The following MYO18B variants were observed in gnomAD, a reference collection of about 807,000 sequenced individuals.
MYO18B encodes myosin XVIIIB, also known as unconventional myosin-XVIIIb.
Under a neutral mutation model 273.0 loss-of-function variants are expected in MYO18B, and 204 were observed. The observed-to-expected ratio is 0.75, with a 90% CI of 0.67 to 0.84. MYO18B has a LOEUF of 0.84. Ranked by LOEUF, MYO18B falls within the 40% of genes least tolerant of loss-of-function variation. The pLI is 0.00. For missense variants in MYO18B, 3,212 were observed against 3,287.6 expected, an observed-to-expected ratio of 0.98 and a Z score of 0.56; for synonymous variants, 1,330 against 1,305.7, an observed-to-expected ratio of 1.02 and a Z score of -0.40.
chr22:25,902,861 C>T, intron 30 of MYO18B, 125 bp downstream of exon 30: 1 of 1,059,126 alleles, frequency 9.4e-7, no homozygotes, highest in Non-Finnish European at 1.3e-6. Flanking sequence ...GTCTGTCAAG[C>T]AGCTGAATCC....
chr22:25,874,923 G>T (rs184907549), intron 23 of MYO18B, among the ~76,000 whole-genome samples: 9 of 152,314 alleles, frequency 5.9e-5, no homozygotes, highest in African/African-American at 2.2e-4. Context: ...CTGGGTGAAG[G>T]TGAGATGAAA....
chr22:25,880,702 G>A (rs554013104), intron 25 of MYO18B, among the ~76,000 whole-genome samples: 5 of 152,336 alleles, frequency 3.3e-5, no homozygotes, highest in Admixed American at 2.6e-4. Context: ...CTTACACAAG[G>A]TCTCCAGGCC....
chr22:25,803,078 C>T (rs1403955435), intron 12 of MYO18B, among the ~76,000 whole-genome samples: 1 of 151,864 alleles, frequency 6.6e-6, no homozygotes, highest in African/African-American at 2.4e-5. Context: ...TCTCCTGCCT[C>T]AGCCTCCCGA....
At chr22:25,748,161 C>G (rs956016265) in intron 1 of MYO18B, among the ~76,000 whole-genome samples, 5 of 152,178 alleles carry the variant, frequency 3.3e-5, no homozygotes. Context: ...GGGCGGATTC[C>G]ATCATTTCAG....
chr22:25,769,520 G>A, intron 4 of MYO18B, 92 bp downstream of exon 4: 2 of 1,206,334 alleles, frequency 1.7e-6, no homozygotes, highest in African/African-American at 1.5e-5. Context: ...GGATGGACAA[G>A]GGGTGGACGG....
intron 31 of MYO18B, among the ~76,000 whole-genome samples, chr22:25,906,639 C>T (rs2092050084): frequency 6.6e-6 from 1 of 152,156 alleles, no homozygotes; most frequent in Non-Finnish European, 1.5e-5. Context: ...TGTTTTCACA[C>T]TGCTGTGAAG....
chr22:25,821,195 T>C (rs1020481854), intron 12 of MYO18B, among the ~76,000 whole-genome samples: 4 of 152,216 alleles, frequency 2.6e-5, no homozygotes, highest in Non-Finnish European at 5.9e-5. Context: ...AGTAGTGGGA[T>C]TGCTGGATCA....
chr22:25,811,742 G>A (rs1273518106), intron 12 of MYO18B, among the ~76,000 whole-genome samples: 1 of 152,160 alleles, frequency 6.6e-6, no homozygotes, highest in Non-Finnish European at 1.5e-5. Context: ...CTGTGTATAT[G>A]ACAGTTCTGT....
intron 11 of MYO18B, among the ~76,000 whole-genome samples, chr22:25,790,749 C>A (rs969870736): frequency 1.3e-5 from 2 of 152,160 alleles, no homozygotes; most frequent in Non-Finnish European, 2.9e-5. Context: ...TTATTTTCTC[C>A]CCAGTATCAT....
At chr22:25,974,784 C>T (rs572862043) in intron 39 of MYO18B, among the ~76,000 whole-genome samples, 2 of 152,318 alleles carry the variant, frequency 1.3e-5, no homozygotes, top group South Asian at 2.1e-4. Context: ...TAGACCTCTC[C>T]TATGGTTCCA....
chr22:25,823,694 C>G lies in MYO18B; in HGVS notation c.2695+16C>G. On this transcript the variant is annotated intron_variant, in intron 13 of 43. Coordinates refer to ENST00000335473, the MANE Select transcript of MYO18B (RefSeq NM_032608.7). ...ACCAGCTCAGGTACATGGCTGCTGC[C>G]TCTTTGGGTGAGCTGGGCCCCCCTC... 1.9e-6 allele frequency: 3 copies of G among 1,613,550 alleles called. No individual in the cohort carries two copies. Among genetic ancestry groups the G allele is most frequent in the South Asian group, 1.1e-5 (1 of 91,034 alleles).
intron 11 of MYO18B, among the ~76,000 whole-genome samples, chr22:25,789,062 TCC>T (rs2087525451): frequency 5.8e-5 from 1 of 17,360 alleles, no homozygotes; most frequent in African/African-American, 8.6e-5. Context: ...CTTCTCTTTC[TCC>T]TCCTCCTCCT....
At chr22:25,826,817 T>C (rs2089509343) in intron 14 of MYO18B, among the ~76,000 whole-genome samples, 1 of 152,262 alleles carries the variant, frequency 6.6e-6, no homozygotes, top group African/African-American at 2.4e-5. Flanking sequence ...CCCAGTACTT[T>C]GGGAGGCTGA....
At chr22:25,920,631 G>A (rs918700224) in intron 33 of MYO18B, among the ~76,000 whole-genome samples, 1 of 152,204 alleles carries the variant, frequency 6.6e-6, no homozygotes, top group African/African-American at 2.4e-5. Context: ...CTGGAAAAGA[G>A]GACCAAAGGA....
chr22:25,806,705 T>C (rs1026902646), intron 12 of MYO18B, among the ~76,000 whole-genome samples: 1 of 152,236 alleles, frequency 6.6e-6, no homozygotes, highest in Non-Finnish European at 1.5e-5. Context: ...AAAAGTGGCC[T>C]GTGGAACCAT....
chr22:25,982,645 C>T (rs1266607471), intron 39 of MYO18B, among the ~76,000 whole-genome samples: 1 of 152,150 alleles, frequency 6.6e-6, no homozygotes, highest in Admixed American at 6.5e-5. Flanking sequence ...ACTCCAATCT[C>T]TGCTTCCATC....
chr22:25,876,130 T>C, intron 23 of MYO18B, 59 bp from the exon 24 acceptor site: 1 of 1,550,910 alleles, frequency 6.4e-7, no homozygotes. Context: ...CTCCTCTCCT[T>C]CCTTTATCCT....
chr22:26,051,060 G>A, the MYO18B span, among the ~76,000 whole-genome samples: 2 of 152,110 alleles, frequency 1.3e-5, no homozygotes, highest in African/African-American at 2.4e-5. Flanking sequence ...AACAAAGCGC[G>A]TGTTACATAT....
chr22:26,062,891 A>G, the MYO18B span, among the ~76,000 whole-genome samples: 2 of 152,192 alleles, frequency 1.3e-5, no homozygotes, highest in Non-Finnish European at 2.9e-5. Context: ...GAGAAGACAG[A>G]TGGAGCAGGA....
Sources: allele counts gnomAD v4.1 joint callset (sites outside exome capture counted in the v4.1 genomes callset), GRCh38; gene constraint gnomAD v4.1.1; transcripts MANE v1.5; gene names NCBI Gene and HGNC (gene_info 2026-07-23, HGNC 2026-07-21).